The following STK11IP variants were observed in gnomAD, a reference collection of about 807,000 sequenced individuals.
STK11IP encodes serine/threonine kinase 11 interacting protein.
STK11IP carries 103 observed loss-of-function variants against 131.7 expected under a neutral mutation model. That is an observed-to-expected ratio of 0.78 (90% confidence interval 0.67 to 0.92). The LOEUF (loss-of-function observed/expected upper bound fraction) is 0.92. Ranked by LOEUF, STK11IP falls within the 40% of genes least tolerant of loss-of-function variation. The pLI is 0.00. For synonymous variants in STK11IP, 557 were observed against 575.6 expected, an observed-to-expected ratio of 0.97 and a Z score of 0.46; for missense variants, 1,315 against 1,385.7, an observed-to-expected ratio of 0.95 and a Z score of 0.81.
At position 219,606,111 on chromosome 2, in the gene STK11IP, C is replaced by T. The variant is rs892290704; in HGVS notation, c.849+52C>T. 3.5e-4 allele frequency: 535 copies of T among 1,547,280 alleles called. 2 individuals carry two copies. Among genetic ancestry groups the T allele is most frequent in the Non-Finnish European group, 4.5e-4 (513 of 1,139,960 alleles). On this transcript the variant is annotated intron_variant, in intron 9 of 24. Coordinates refer to ENST00000456909, the MANE Select transcript of STK11IP (RefSeq NM_052902.4). Reference sequence around the variant, plus strand: ...GGGAACCACCCTTGCACGTACCCCCCCATGCTGGTTTGGTCAGTGCCTTCT... The same window carrying T: ...GGGAACCACCCTTGCACGTACCCCCTCATGCTGGTTTGGTCAGTGCCTTCT...
intron 9 of STK11IP, 48 bp from the exon 10 acceptor site, chr2:219,606,147 A>G: frequency 6.5e-7 from 1 of 1,543,692 alleles, no homozygotes. Context: ...TCACACAGGG[A>G]GGGCCAGGGC....
intron 9 of STK11IP, 53 bp downstream of exon 9, chr2:219,606,112 C>T (rs1209289014): frequency 1.3e-6 from 2 of 1,545,848 alleles, no homozygotes; most frequent in East Asian, 2.4e-5. Flanking sequence ...CGTACCCCCC[C>T]ATGCTGGTTT....
chr2:219,612,115 C>T, intron 19 of STK11IP, 57 bp downstream of exon 19: 2 of 1,477,772 alleles, frequency 1.4e-6, no homozygotes, highest in African/African-American at 1.4e-5. Context: ...CCACTCGTTT[C>T]CATCACAGCC....
chr2:219,616,202 C>T lies in STK11IP; in HGVS notation c.*9C>T, dbSNP rs116719495. The T allele has an allele frequency of 1.6e-3, 2,623 of 1,611,598 alleles. 13 individuals are homozygous for T. The African/African-American group carries it at 0.017, about 10-fold the overall frequency. The stretch of plus-strand genomic sequence containing the variant: ...TGGCCCTTGACCGATGAGGGTCCCA[C>T]GCTGACCTTGGCCCTGACCTCAGGA... On this transcript the variant is annotated 3_prime_UTR_variant, in exon 25 of 25. Coordinates refer to ENST00000456909, the MANE Select transcript of STK11IP (RefSeq NM_052902.4).
At chr2:219,606,165 C>G (rs1231720964) in intron 9 of STK11IP, 30 bp from the exon 10 acceptor site, 2 of 1,550,856 alleles carry the variant, frequency 1.3e-6, no homozygotes, top group African/African-American at 2.7e-5. Context: ...GGCCCCAGGC[C>G]CTCCTCATTC....
chr2:219,602,271 T>C (rs1698012006), intron 5 of STK11IP, among the ~76,000 whole-genome samples, 188 bp downstream of exon 5: 1 of 152,238 alleles, frequency 6.6e-6, no homozygotes, highest in African/African-American at 2.4e-5. Context: ...CCTACCATAT[T>C]ATATTACATA....
rs1233359435 is a variant in STK11IP, at chr2:219,608,759, G to T, written c.1780G>T (p.Ala594Ser). Residue 594 changes from alanine (A) to serine (S), a missense_variant, in exon 15 of 25, where the codon GCC (alanine) becomes TCC (serine). Physicochemically the swap from Ala to Ser is moderately conservative, Grantham distance 99. Coordinates refer to ENST00000456909, the MANE Select transcript of STK11IP (RefSeq NM_052902.4). Reference sequence around the variant, plus strand: ...GGAGGCAGCTGAGATAGAGCCGGAGGCCCAGGCCCAGAGGTCGCCCAGGCC... The same window carrying T: ...GGAGGCAGCTGAGATAGAGCCGGAGTCCCAGGCCCAGAGGTCGCCCAGGCC... ...SLEAAEIEPE[A>S]QAQRSPRPTG... 4 of 1,609,714 alleles carry T rather than the reference G, an allele frequency of 2.5e-6. No individual in the cohort carries two copies. Among genetic ancestry groups the T allele is most frequent in the Non-Finnish European group, 2.5e-6 (3 of 1,178,568 alleles).
chr2:219,615,969 T>G, intron 24 of STK11IP, 75 bp from the exon 25 acceptor site: 1 of 1,565,404 alleles, frequency 6.4e-7, no homozygotes, highest in Non-Finnish European at 8.7e-7. Context: ...AGTGAGGCCT[T>G]CGCAGAGACC....
chr2:219,615,997 G>A, intron 24 of STK11IP, 47 bp from the exon 25 acceptor site: 3 of 1,602,338 alleles, frequency 1.9e-6, no homozygotes, highest in Non-Finnish European at 2.6e-6. Context: ...TACCCACCCT[G>A]GTGTGGTCCC....
Position 219,611,673 on chromosome 2 carries a change from C to T in STK11IP, c.2174C>T (p.Pro725Leu). The change falls in exon 18 of 25, where the codon CCC becomes CTC. Residue 725 changes from proline to leucine, a missense_variant. Physicochemically the swap from Pro to Leu is moderately conservative, Grantham distance 98. Coordinates refer to ENST00000456909, the MANE Select transcript of STK11IP (RefSeq NM_052902.4). Reference sequence around the variant, plus strand: ...CTCCTCGCTGTGTCTCGGGGAACCCCCAACAGGGAGCGGAAACAGGGAGAG... The same window carrying T: ...CTCCTCGCTGTGTCTCGGGGAACCCTCAACAGGGAGCGGAAACAGGGAGAG... Reference protein sequence around the residue: ...VVLLAVSRGTPNRERKQGEQS... With the variant: ...VVLLAVSRGTLNRERKQGEQS... 3 of 1,613,136 alleles carry T rather than the reference C, an allele frequency of 1.9e-6. No individual in the cohort carries two copies. Among genetic ancestry groups the T allele is most frequent in the African/African-American group, 1.3e-5 (1 of 75,028 alleles).
At position 219,606,256 on chromosome 2, in the gene STK11IP, A is replaced by G. The variant is rs1698152249; in HGVS notation, c.911A>G (p.Tyr304Cys). The change falls in exon 10 of 25, where the codon TAC becomes TGC. Residue 304 changes from tyrosine to cysteine, a missense_variant. Tyr to Cys is a radical substitution (Grantham distance 194). Coordinates refer to ENST00000456909, the MANE Select transcript of STK11IP (RefSeq NM_052902.4). ...HPEHRAATAQYLSPRARDAAT... is the reference protein window; with the variant it reads ...HPEHRAATAQCLSPRARDAAT... ...GAGCACCGAGCAGCCACTGCCCAGT[A>G]CTTGTCACCCCGGGCCAGGGATGCT... 6.4e-7 allele frequency: 1 copy of G among 1,572,642 alleles called. No individual in the cohort carries two copies. Among genetic ancestry groups the G allele is most frequent in the South Asian group, 1.2e-5 (1 of 85,696 alleles).
chr2:219,615,170 C>G lies in STK11IP; in HGVS notation c.2946C>G (p.Ser982=), dbSNP rs756280698. Residue 982 remains serine, a synonymous_variant, in exon 24 of 25, where the codon TCC becomes TCG. Transcript: ENST00000456909. ...TGTTAGATGAGGATGCTGCAGGGTC[C>G]CCGGCAGAGCCCTCTCCTCCAGCAG... The part of the protein sequence containing the change: ...LFLLDEDAAG[S]PAEPSPPAAS... 1.9e-6 allele frequency: 3 copies of G among 1,601,324 alleles called. No individual in the cohort carries two copies. In the East Asian group the frequency reaches 6.7e-5, roughly 36 times the overall value.
At chr2:219,598,297 G>A in intron 2 of STK11IP, 117 bp downstream of exon 2, 3 of 722,460 alleles carry the variant, frequency 4.2e-6, no homozygotes, top group Non-Finnish European at 6.5e-6. Context: ...CCAGGTGTCA[G>A]AGTTCAATTT....
rs527347101 is a variant in STK11IP at position 219,616,175 on chromosome 2, G to A, written c.3249G>A (p.Ala1083=). The change falls in exon 25 of 25, where the codon GCG becomes GCA. Residue 1083 remains alanine (A), a synonymous_variant. Coordinates refer to ENST00000456909, the MANE Select transcript of STK11IP (RefSeq NM_052902.4). ...SIGLRTVIQE[A]LALDR Reference sequence around the variant, plus strand: ...GACTCCGGACAGTGATCCAAGAGGCGCTGGCCCTTGACCGATGAGGGTCCC... The same window carrying A: ...GACTCCGGACAGTGATCCAAGAGGCACTGGCCCTTGACCGATGAGGGTCCC... The A allele has an allele frequency of 3.1e-6, 5 of 1,613,482 alleles. No homozygotes were observed. Among genetic ancestry groups the A allele is most frequent in the East Asian group, 4.5e-5 (2 of 44,880 alleles).
chr2:219,599,154 T>C (rs1246352546), intron 2 of STK11IP, among the ~76,000 whole-genome samples: 1 of 152,188 alleles, frequency 6.6e-6, no homozygotes, highest in East Asian at 1.9e-4. Flanking sequence ...AGTGGCGCAA[T>C]CTCAGCTCAC....
At position 219,608,144 on chromosome 2, in the gene STK11IP, C is replaced by T. The variant is rs754956451; in HGVS notation, c.1317C>T (p.Pro439=). 2 of 1,613,398 alleles carry T rather than the reference C, an allele frequency of 1.2e-6. No homozygotes were observed. The highest frequency in any genetic ancestry group is 2.7e-5 in the African/African-American group (2 of 74,908). Residue 439 remains proline (P), a synonymous_variant, in exon 14 of 25, where the codon CCC becomes CCT. Coordinates refer to ENST00000456909, the MANE Select transcript of STK11IP (RefSeq NM_052902.4). ...NWLQYRSHLE[P]SGNPLPATPT... is the part of the protein sequence containing the mutation. ...TGCAGTACAGGAGTCACCTGGAGCC[C>T]TCCGGAAACCCTCTGCCGGCCACCC...
chr2:219,606,809 G>C lies in STK11IP; in HGVS notation c.1085G>C (p.Ser362Thr). The change falls in exon 12 of 25, where the codon AGC (serine) becomes ACC (threonine). Residue 362 changes from serine (S) to threonine (T), a missense_variant. Transcript: ENST00000456909. ...TCAGGTGGCCCTGACCTGAGTGACA[G>C]CCTCTCCTCAGGGGGTGTTGTGACC... ...ETSGGPDLSD[S>T]LSSGGVVTQP... 1 of 1,613,758 alleles carries C rather than the reference G, an allele frequency of 6.2e-7. No individual in the cohort carries two copies. The highest frequency in any genetic ancestry group is 8.5e-7 in the Non-Finnish European group (1 of 1,179,824).
intron 17 of STK11IP, 24 bp from the exon 18 acceptor site, chr2:219,611,580 G>A (rs1485384635): frequency 6.9e-6 from 11 of 1,585,762 alleles, no homozygotes; most frequent in Non-Finnish European, 8.7e-6. Context: ...GGGCTCATGG[G>A]GACCGTGTCC....
intron 7 of STK11IP, 66 bp from the exon 8 acceptor site, chr2:219,605,542 T>A: frequency 1.3e-6 from 2 of 1,523,576 alleles, no homozygotes; most frequent in South Asian, 2.4e-5. Flanking sequence ...CCAGAAGAGG[T>A]CTCAGAGGAC....
Sources: allele counts gnomAD v4.1 joint callset (sites outside exome capture counted in the v4.1 genomes callset), GRCh38; gene constraint gnomAD v4.1.1; transcripts MANE v1.5; gene names NCBI Gene and HGNC (gene_info 2026-07-23, HGNC 2026-07-21).